The following TNRC6A variants were observed in gnomAD, a reference collection of about 807,000 sequenced individuals.
TNRC6A encodes the protein trinucleotide repeat containing adaptor 6A.
In TNRC6A, 44 loss-of-function variants were observed where a neutral mutation model predicts 221.2. That is an observed-to-expected ratio of 0.20 (90% CI 0.16 to 0.26). The LOEUF (loss-of-function observed/expected upper bound fraction) is 0.26. Ranked by LOEUF, TNRC6A falls within the 10% of genes least tolerant of loss-of-function variation. TNRC6A has a pLI of 1.00. For missense variants in TNRC6A, 2,199 were observed against 2,404.4 expected (o/e 0.91, Z 1.79); for synonymous variants, 847 against 838.5 (o/e 1.01, Z -0.18).
intron 2 of TNRC6A, among the ~76,000 whole-genome samples, chr16:24,744,247 G>T (rs531613995): frequency 1.3e-4 from 20 of 152,294 alleles, no homozygotes; most frequent in African/African-American, 4.6e-4. Context: ...CATTATTGGT[G>T]ATGGTTAACT....
intron 2 of TNRC6A, among the ~76,000 whole-genome samples, chr16:24,711,157 G>A (rs572277341): frequency 1.5e-4 from 23 of 152,094 alleles, no homozygotes; most frequent in South Asian, 4.2e-4. Flanking sequence ...TTACAGGCGC[G>A]CATTGCACCT....
chr16:24,792,792 T>A (rs2058137512), intron 6 of TNRC6A, among the ~76,000 whole-genome samples: 1 of 149,102 alleles, frequency 6.7e-6, no homozygotes, highest in Admixed American at 6.7e-5. Flanking sequence ...ACAATTTTTT[T>A]TTTTTTTTTT....
intron 11 of TNRC6A, among the ~76,000 whole-genome samples, chr16:24,799,849 A>G (rs1265957828): frequency 4.6e-5 from 7 of 152,156 alleles, no homozygotes; most frequent in Admixed American, 4.6e-4. Flanking sequence ...CTGAGCCCCC[A>G]GTTGTCCTTG....
At chr16:24,774,255 T>C (rs1368153746) in intron 4 of TNRC6A, among the ~76,000 whole-genome samples, 1 of 152,220 alleles carries the variant, frequency 6.6e-6, no homozygotes, top group East Asian at 1.9e-4. Context: ...CCTTCTGCAC[T>C]CATTACTTCT....
Position 24,823,894 on chromosome 16 carries a change from G to A in TNRC6A, c.*87G>A, listed in dbSNP as rs889777251. On this transcript the variant is annotated 3_prime_UTR_variant, in exon 25 of 25. Transcript: ENST00000395799. The surrounding 1 kb of genome is among the most constrained non-coding windows in gnomAD (Gnocchi z 4.3). The stretch of plus-strand genomic sequence containing the variant: ...GGCTCGCCGCCTGCAGCCAGGGGCC[G>A]CCTGTGGGAACAGCTATTCTCTGCA... 102 of 1,322,098 alleles carry A rather than the reference G, an allele frequency of 7.7e-5. 1 individual carries two copies. Among genetic ancestry groups the A allele is most frequent in the Non-Finnish European group, 5.0e-5 (51 of 1,014,946 alleles). The allele number at this position is 1,322,098 out of a possible 1,614,324, so 81.9% of individuals were successfully genotyped here.
At position 24,823,890 on chromosome 16, in the gene TNRC6A, G is replaced by A; in HGVS notation, c.*83G>A. On this transcript the variant is annotated 3_prime_UTR_variant, in exon 25 of 25. Coordinates refer to ENST00000395799, the MANE Select transcript of TNRC6A (RefSeq NM_014494.4). The surrounding 1 kb of genome is among the most constrained non-coding windows in gnomAD (Gnocchi z 4.3). ...GTGGGGCTCGCCGCCTGCAGCCAGGGGCCGCCTGTGGGAACAGCTATTCTC... is the reference window on the plus strand; with the variant it reads ...GTGGGGCTCGCCGCCTGCAGCCAGGAGCCGCCTGTGGGAACAGCTATTCTC... 7.5e-7 allele frequency: 1 copy of A among 1,329,714 alleles called. No individual in the cohort carries two copies. The highest frequency in any genetic ancestry group is 9.8e-7 in the Non-Finnish European group (1 of 1,023,072). The allele number at this position is 1,329,714 out of a possible 1,614,324, so 82.4% of individuals were successfully genotyped here.
At chr16:24,805,478 A>G in intron 14 of TNRC6A, 127 bp from the exon 15 acceptor site, 1 of 1,350,120 alleles carries the variant, frequency 7.4e-7, no homozygotes, top group Non-Finnish European at 1.0e-6. Context: ...AGACAGAGAC[A>G]AAGACTATAA....
chr16:24,646,122 T>C (rs1902276144), intron 2 of TNRC6A, among the ~76,000 whole-genome samples: 1 of 152,220 alleles, frequency 6.6e-6, no homozygotes, highest in Admixed American at 6.6e-5. Context: ...ATTCTTATAC[T>C]TTTCCAGCTA....
intron 2 of TNRC6A, among the ~76,000 whole-genome samples, chr16:24,735,952 G>C (rs555817905): frequency 6.6e-6 from 1 of 152,168 alleles, no homozygotes; most frequent in East Asian, 1.9e-4. Context: ...ATCACTGGAG[G>C]TCAGGAGTTC....
intron 2 of TNRC6A, among the ~76,000 whole-genome samples, chr16:24,644,311 T>C (rs936042266): frequency 7.9e-5 from 12 of 151,596 alleles, no homozygotes; most frequent in Non-Finnish European, 4.4e-5. Context: ...GTTTTGTTTT[T>C]TGAGACAGGG....
At chr16:24,734,336 C>A (rs1250267902) in intron 2 of TNRC6A, among the ~76,000 whole-genome samples, 2 of 152,056 alleles carry the variant, frequency 1.3e-5, no homozygotes, top group African/African-American at 4.8e-5. Context: ...CTGAACAGAA[C>A]AAGTCAGAGC....
At chr16:24,776,827 T>C (rs2057728515) in intron 4 of TNRC6A, 106 bp from the exon 5 acceptor site, 1 of 1,513,838 alleles carries the variant, frequency 6.6e-7, no homozygotes, top group Non-Finnish European at 8.8e-7. Context: ...AAAGCTTCTG[T>C]TTTTTTAGGA....
chr16:24,678,993 AAT>A (rs1491190055), intron 2 of TNRC6A, among the ~76,000 whole-genome samples: 1 of 105,666 alleles, frequency 9.5e-6, no homozygotes, highest in Non-Finnish European at 1.8e-5. Flanking sequence ...TAAAACATTG[AAT>A]TTTTTTTTTT....
At chr16:24,800,882 C>T (rs2058318397) in intron 11 of TNRC6A, among the ~76,000 whole-genome samples, 1 of 152,220 alleles carries the variant, frequency 6.6e-6, no homozygotes, top group African/African-American at 2.4e-5. Context: ...CACCCTTCCT[C>T]TTGCCCTGTC....
chr16:24,750,125 G>A (rs1028951055), intron 2 of TNRC6A, among the ~76,000 whole-genome samples: 3 of 152,176 alleles, frequency 2.0e-5, no homozygotes, highest in Admixed American at 6.5e-5. Flanking sequence ...GGGTGACAGA[G>A]CAAGACTCTG....
chr16:24,688,123 TAG>T (rs2142105872), intron 2 of TNRC6A, among the ~76,000 whole-genome samples: 1 of 151,262 alleles, frequency 6.6e-6, no homozygotes, highest in Non-Finnish European at 1.5e-5. Context: ...GTATTTTTAG[TAG>T]AGACGGGGTT....
At chr16:24,716,969 G>GAA (rs61090241) in intron 2 of TNRC6A, among the ~76,000 whole-genome samples, 1 of 107,556 alleles carries the variant, frequency 9.3e-6, no homozygotes, top group Non-Finnish European at 2.0e-5. Flanking sequence ...AAAAAAAAAA[G>GAA]AAAAAAAAAA....
intron 5 of TNRC6A, among the ~76,000 whole-genome samples, chr16:24,781,582 G>A (rs780144664): frequency 1.3e-5 from 2 of 151,998 alleles, no homozygotes; most frequent in African/African-American, 2.4e-5. Context: ...TTCAGATCTC[G>A]CCACATTTTA....
intron 2 of TNRC6A, among the ~76,000 whole-genome samples, chr16:24,722,896 A>G (rs540409107): frequency 6.6e-6 from 1 of 152,144 alleles, no homozygotes; most frequent in Non-Finnish European, 1.5e-5. Flanking sequence ...TTGCTTATAC[A>G]TTGCATGAGA....
Sources: allele counts gnomAD v4.1 joint callset (sites outside exome capture counted in the v4.1 genomes callset), GRCh38; gene constraint gnomAD v4.1.1; non-coding constraint Gnocchi (gnomAD v3.1); transcripts MANE v1.5; gene names NCBI Gene and HGNC (gene_info 2026-07-23, HGNC 2026-07-21).